TCF12: variants seen among roughly 807,000 people sequenced by gnomAD.
TCF12 encodes transcription factor 12.
Under a neutral mutation model 86.0 loss-of-function variants are expected in TCF12, and 45 were observed. The observed-to-expected ratio is 0.52, with a 90% CI of 0.41 to 0.67. TCF12 has a LOEUF of 0.67. Among genes scored for constraint, TCF12 ranks in the 30% least tolerant of loss-of-function variants. The probability of loss-of-function intolerance (pLI) is 0.00; values close to 1 mark genes in which losing one functional copy is unlikely to be tolerated. For synonymous variants in TCF12, 330 were observed against 299.6 expected (o/e 1.10, Z -1.05); for missense variants, 881 against 859.9 (o/e 1.02, Z -0.31).
At chr15:57,063,642 C>T in intron 3 of TCF12, 108 bp from the exon 4 acceptor site, 1 of 752,166 alleles carries the variant, frequency 1.3e-6, no homozygotes, top group East Asian at 2.6e-5. Context: ...CTTAGCTCTT[C>T]CACGAAAGCG....
chr15:57,108,053 T>A (rs1272071454), intron 5 of TCF12, among the ~76,000 whole-genome samples: 2 of 152,234 alleles, frequency 1.3e-5, no homozygotes, highest in African/African-American at 4.8e-5. Flanking sequence ...TGGTCAACAT[T>A]TAGTCCTTTC....
intron 19 of TCF12, among the ~76,000 whole-genome samples, chr15:57,277,305 A>G (rs1050096878): frequency 6.6e-6 from 1 of 151,392 alleles, no homozygotes; most frequent in African/African-American, 2.4e-5. Flanking sequence ...AGCCTGGGTG[A>G]CAGTGCCAAG....
intron 3 of TCF12, among the ~76,000 whole-genome samples, chr15:57,010,386 A>C (rs1436867873): frequency 5.3e-5 from 8 of 152,206 alleles, no homozygotes; most frequent in Non-Finnish European, 1.0e-4. Flanking sequence ...TCCAGAAAAC[A>C]AAAATAAACA....
At chr15:56,942,645 G>A (rs2060828415) in intron 3 of TCF12, among the ~76,000 whole-genome samples, 1 of 448 alleles carries the variant, frequency 2.2e-3, no homozygotes, top group Non-Finnish European at 0.017. Flanking sequence ...AGTATCGTAT[G>A]TGTAACAGAA....
chr15:57,119,490 A>T (rs1324458798), intron 5 of TCF12, among the ~76,000 whole-genome samples: 1 of 146,282 alleles, frequency 6.8e-6, no homozygotes, highest in African/African-American at 2.6e-5. Flanking sequence ...TTCATACTAG[A>T]TACGATACTG....
chr15:57,070,209 G>T (rs922451037), intron 4 of TCF12, among the ~76,000 whole-genome samples: 2 of 151,978 alleles, frequency 1.3e-5, no homozygotes, highest in African/African-American at 4.8e-5. Context: ...TTTATTAAGG[G>T]ATAGTAATAG....
In TCF12 at chr15:57,289,602, CGTGTGTGTGT is replaced by C. The variant is rs71779436; in HGVS notation, c.*3470_*3479del. 1 of 149,850 alleles carries C rather than the reference CGTGTGTGTGT, an allele frequency of 6.7e-6. No individual in the cohort carries two copies. Among genetic ancestry groups the C allele is most frequent in the Non-Finnish European group, 1.5e-5 (1 of 67,236 alleles). 9.3% of individuals were successfully genotyped at this position (149,850 alleles called of 1,614,324 possible). On this transcript the variant is annotated 3_prime_UTR_variant, in exon 21 of 21. Coordinates refer to ENST00000333725, the MANE Select transcript of TCF12 (RefSeq NM_207037.2). ...GGAAACTCAAAATTTAAACACACGT[CGTGTGTGTGT>C]GTGTGTGTGTGTCTGTGTGTGTGTG...
intron 5 of TCF12, among the ~76,000 whole-genome samples, chr15:57,126,723 G>C (rs1702699515): frequency 6.6e-6 from 1 of 151,950 alleles, no homozygotes; most frequent in Non-Finnish European, 1.5e-5. Flanking sequence ...CTTAATATCT[G>C]GTCTCCCCAG....
intron 13 of TCF12, among the ~76,000 whole-genome samples, chr15:57,250,904 A>T (rs886469630): frequency 2.0e-5 from 3 of 152,070 alleles, no homozygotes. Context: ...AAAAAAAAAA[A>T]AGAAAAAGAA....
At chr15:57,285,397 A>G (rs1307130418) in intron 20 of TCF12, among the ~76,000 whole-genome samples, 1 of 152,236 alleles carries the variant, frequency 6.6e-6, no homozygotes, top group Non-Finnish European at 1.5e-5. Context: ...TATATATTAT[A>G]TTGGGAACAT....
At chr15:57,170,652 TTATATAAAATA>T (rs1245635784) in intron 6 of TCF12, among the ~76,000 whole-genome samples, 1 of 44,940 alleles carries the variant, frequency 2.2e-5, no homozygotes, top group East Asian at 6.1e-4. Context: ...AATATATATA[TTATATAAAATA>T]TATATATATA....
At chr15:57,103,613 G>A (rs1290129328) in intron 5 of TCF12, among the ~76,000 whole-genome samples, 1 of 152,178 alleles carries the variant, frequency 6.6e-6, no homozygotes, top group Non-Finnish European at 1.5e-5. Flanking sequence ...ACCCAAGGAA[G>A]TAATTGAAAA....
intron 5 of TCF12, among the ~76,000 whole-genome samples, chr15:57,120,990 A>AGAAAG (rs147278494): frequency 1.3e-5 from 2 of 152,120 alleles, no homozygotes; most frequent in Non-Finnish European, 2.9e-5. Context: ...AAAAAAGAAA[A>AGAAAG]GAAAGGAAAG....
At chr15:56,976,305 A>C (rs1447823138) in intron 3 of TCF12, among the ~76,000 whole-genome samples, 1 of 131,596 alleles carries the variant, frequency 7.6e-6, no homozygotes, top group Non-Finnish European at 1.5e-5. Flanking sequence ...ATTTCGGCTC[A>C]CTGCAACCTC....
intron 5 of TCF12, among the ~76,000 whole-genome samples, chr15:57,138,182 A>G (rs1470716502): frequency 2.0e-5 from 3 of 152,224 alleles, no homozygotes; most frequent in Non-Finnish European, 4.4e-5. Context: ...TTACTTGTTA[A>G]TATCACTGAT....
intron 3 of TCF12, among the ~76,000 whole-genome samples, chr15:56,977,973 A>G (rs1420102264): frequency 1.3e-5 from 2 of 152,088 alleles, no homozygotes; most frequent in Non-Finnish European, 2.9e-5. Context: ...TTGCGGGACC[A>G]CTCTTTGACA....
At chr15:57,110,250 TA>T (rs1356647338) in intron 5 of TCF12, among the ~76,000 whole-genome samples, 1 of 152,172 alleles carries the variant, frequency 6.6e-6, no homozygotes, top group Non-Finnish European at 1.5e-5. Context: ...CTAAAAATAA[TA>T]TTTGTTCATC....
At chr15:56,991,872 T>C (rs930604300) in intron 3 of TCF12, among the ~76,000 whole-genome samples, 36 of 152,078 alleles carry the variant, frequency 2.4e-4, no homozygotes, top group African/African-American at 8.2e-4. Flanking sequence ...ACCATCAGGG[T>C]ATAGAAAAAG....
chr15:57,233,163 T>C (rs1179541366), intron 11 of TCF12, among the ~76,000 whole-genome samples: 10 of 151,060 alleles, frequency 6.6e-5, no homozygotes, highest in African/African-American at 2.4e-4. Context: ...TATGTGTGTG[T>C]ATATATATGT....
Sources: gnomAD v4.1 joint callset for allele counts (sites outside exome capture counted in the v4.1 genomes callset) on GRCh38, gnomAD v4.1.1 for gene constraint, MANE v1.5 for transcripts, NCBI Gene and HGNC (gene_info 2026-07-23, HGNC 2026-07-21) for gene names.